The following NIT1 variants were observed in gnomAD, a reference collection of about 807,000 sequenced individuals.
NIT1 encodes deaminated glutathione amidase.
In NIT1, 30 loss-of-function variants were observed where a neutral mutation model predicts 36.8. That is an observed-to-expected ratio of 0.82 (90% CI 0.61 to 1.11). The LOEUF is 1.11. Ranked by LOEUF, NIT1 falls within the 50% of genes least tolerant of loss-of-function variation. NIT1 has a pLI of 0.00. For missense variants in NIT1, 438 were observed against 410.6 expected (o/e 1.07, Z -0.58); for synonymous variants, 151 against 155.6 (o/e 0.97, Z 0.22).
downstream of NIT1, chr1:161,124,348 G>A: frequency 4.3e-6 from 7 of 1,614,246 alleles, no homozygotes; most frequent in Non-Finnish European, 5.9e-6. Context: ...ACATCTCTGT[G>A]TGTCAGATGA....
At chr1:161,122,984 C>T (rs1264045437), downstream of NIT1, 3 of 1,613,400 alleles carry the variant, frequency 1.9e-6, no homozygotes, top group Non-Finnish European at 1.7e-6. This position sits in a 1 kb window ranked among gnomAD's most constrained non-coding sequence, Gnocchi z 4.2. Flanking sequence ...GTGAATCTCA[C>T]ACTGAATAGC....
rs1337203631 is a variant in NIT1 at position 161,118,449 on chromosome 1, G to A, written c.2+271G>A. 5 of 1,536,028 alleles carry A rather than the reference G, an allele frequency of 3.3e-6. No individual in the cohort carries two copies. In the African/African-American group the frequency reaches 5.5e-5, roughly 17 times the overall value. ...GCTTCGAGTCAGTAAAGCTGCGCAAGTGCACAGTCAAGGAGAGAGTCTTGG... is the reference window on the plus strand; with the variant it reads ...GCTTCGAGTCAGTAAAGCTGCGCAAATGCACAGTCAAGGAGAGAGTCTTGG... On this transcript the variant is annotated intron_variant, in intron 1 of 6. Coordinates refer to ENST00000368009, the MANE Select transcript of NIT1 (RefSeq NM_005600.3).
At chr1:161,119,050 C>T (rs1571198936) in intron 2 of NIT1, 84 bp from the exon 3 acceptor site, 4 of 1,542,002 alleles carry the variant, frequency 2.6e-6, no homozygotes, top group East Asian at 4.5e-5. Flanking sequence ...GTCCAGCTTT[C>T]CTGCCTCTCC....
At chr1:161,124,071 C>T (rs1005740471), downstream of NIT1, 15 of 1,579,364 alleles carry the variant, frequency 9.5e-6, no homozygotes, top group Middle Eastern at 1.7e-4. Context: ...CCCCTTTGGA[C>T]GCCTATGCTG....
chr1:161,120,068 G>T, intron 5 of NIT1, 39 bp from the exon 6 acceptor site: 1 of 1,613,568 alleles, frequency 6.2e-7, no homozygotes, highest in South Asian at 1.1e-5. Flanking sequence ...GTGACAAACA[G>T]AGCAGGAAGA....
At chr1:161,124,628 G>A (rs895964235), downstream of NIT1, 3 of 1,344,762 alleles carry the variant, frequency 2.2e-6, no homozygotes, top group Non-Finnish European at 1.9e-6. Context: ...ACAGTATAGT[G>A]CTTTATACAT....
intron 1 of NIT1, chr1:161,118,566 A>G (rs1450444292): frequency 6.5e-7 from 1 of 1,536,138 alleles, no homozygotes; most frequent in African/African-American, 1.4e-5. Flanking sequence ...GATCATTGGA[A>G]GTTGAACTAT....
downstream of NIT1, chr1:161,124,534 G>C: frequency 6.5e-7 from 1 of 1,537,346 alleles, no homozygotes; most frequent in Non-Finnish European, 8.8e-7. Flanking sequence ...GTACTGAAAG[G>C]GCAGGGAAAG....
In NIT1 at chr1:161,118,895, T is replaced by A; in HGVS notation, c.98+14T>A. 1 of 1,596,396 alleles carries A rather than the reference T, an allele frequency of 6.3e-7. No homozygotes were observed. On this transcript the variant is annotated intron_variant, in intron 2 of 6. Transcript: ENST00000368009. ...TGCTCAGCCCAGGTAACACGTTTTG[T>A]TGTGTCCTCAGTGCCTGGCACTTAG...
rs377135940 is a variant in NIT1 at position 161,118,133 on chromosome 1, C to G, written c.-44C>G. ...CGCTGCGGCGCTTCTGGCTCCAGAC[C>G]GCCCTCCGGATCGGACCCTGCGAAT... On this transcript the variant is annotated 5_prime_UTR_variant, in exon 1 of 7. Transcript: ENST00000368009. 3.1e-6 allele frequency: 5 copies of G among 1,613,880 alleles called. No individual in the cohort carries two copies. The East Asian group carries it at 8.9e-5, about 29-fold the overall frequency.
At chr1:161,122,571 G>A (rs1248144545), downstream of NIT1, 3 of 1,575,282 alleles carry the variant, frequency 1.9e-6, no homozygotes, top group Non-Finnish European at 2.6e-6. This position sits in a 1 kb window ranked among gnomAD's most constrained non-coding sequence, Gnocchi z 4.2. Flanking sequence ...AGTAAGGGAT[G>A]AGTTTACAAG....
chr1:161,122,051 G>T, downstream of NIT1: 1 of 1,399,068 alleles, frequency 7.1e-7, no homozygotes, highest in Non-Finnish European at 9.6e-7. This position sits in a 1 kb window ranked among gnomAD's most constrained non-coding sequence, Gnocchi z 4.2. Context: ...AGGCAGGGGT[G>T]TGATTGGTTG....
chr1:161,118,279 G>A (rs973801069), intron 1 of NIT1, 101 bp downstream of exon 1: 3 of 1,602,540 alleles, frequency 1.9e-6, no homozygotes, highest in Non-Finnish European at 2.6e-6. Flanking sequence ...GGGGAGGGAC[G>A]GGCCAACTGG....
At chr1:161,120,307 T>A (rs908102188) in intron 6 of NIT1, 75 bp downstream of exon 6, 1 of 1,560,356 alleles carries the variant, frequency 6.4e-7, no homozygotes, top group Non-Finnish European at 8.8e-7. Flanking sequence ...ACCAGTTAAA[T>A]TCCTTCCCCT....
rs1655304270 is a variant in NIT1, at chr1:161,120,234, T to C, written c.717+2T>C. On this transcript the variant is annotated splice_donor_variant, in intron 6 of 6. Transcript: ENST00000368009. LOFTEE classifies it high-confidence loss of function. The stretch of plus-strand genomic sequence containing the variant: ...ATTACAGGCCCAGCCCACTGGGAGG[T>C]AAGATGATGCCTTTTTAAAACATAA... The C allele has an allele frequency of 1.2e-6, 2 of 1,613,692 alleles. No individual in the cohort carries two copies. Among genetic ancestry groups the C allele is most frequent in the Non-Finnish European group, 1.7e-6 (2 of 1,179,948 alleles).
Position 161,118,875 on chromosome 1 carries a change from A to C in NIT1, c.92A>C (p.Gln31Pro). 6.2e-7 allele frequency: 1 copy of C among 1,612,650 alleles called. No individual in the cohort carries two copies. Among genetic ancestry groups the C allele is most frequent in the Non-Finnish European group, 8.5e-7 (1 of 1,178,642 alleles). ...RIPQLSVLCA[Q>P]PRPRAMAISS... ...CCTCAACTCTCAGTACTTTGTGCTC[A>C]GCCCAGGTAACACGTTTTGTTGTGT... Residue 31 changes from glutamine to proline, a missense_variant, in exon 2 of 7, where the codon CAG becomes CCG. Transcript: ENST00000368009.
rs1004003101 is a variant in NIT1 at position 161,120,806 on chromosome 1, C to A, written c.*41C>A. 13 of 1,584,590 alleles carry A rather than the reference C, an allele frequency of 8.2e-6. No homozygotes were observed. Among genetic ancestry groups the A allele is most frequent in the East Asian group, 2.2e-5 (1 of 44,702 alleles). ...AGTTTAGACCTGCCCCTCCCACCCCCACCCTGCCACTATGAGCTAGTGCTC... is the reference window on the plus strand; with the variant it reads ...AGTTTAGACCTGCCCCTCCCACCCCAACCCTGCCACTATGAGCTAGTGCTC... On this transcript the variant is annotated 3_prime_UTR_variant, in exon 7 of 7. Coordinates refer to ENST00000368009, the MANE Select transcript of NIT1 (RefSeq NM_005600.3).
chr1:161,121,209 C>T (rs1271103919), downstream of NIT1: 1 of 1,002,922 alleles, frequency 1.0e-6, no homozygotes, highest in Non-Finnish European at 1.2e-6. Flanking sequence ...ATGTCCCAGC[C>T]CCATTCTCCC....
At chr1:161,123,126 G>C, downstream of NIT1, 1 of 1,614,154 alleles carries the variant, frequency 6.2e-7, no homozygotes, top group East Asian at 2.2e-5. Flanking sequence ...CGGCGTTTTC[G>C]CTGGCTCCCA....
Sources: allele counts gnomAD v4.1 joint callset, GRCh38; gene constraint gnomAD v4.1.1; non-coding constraint Gnocchi (gnomAD v3.1); transcripts MANE v1.5; gene names NCBI Gene and HGNC (gene_info 2026-07-23, HGNC 2026-07-21).